Variants in SYT6 observed in about 807,000 individuals in gnomAD.
SYT6 encodes the protein synaptotagmin-6.
A neutral mutation model predicts 38.4 loss-of-function variants in SYT6; 24 were observed. The observed-to-expected ratio is 0.62, with a 90% CI of 0.45 to 0.88. The LOEUF (loss-of-function observed/expected upper bound fraction) is 0.88, where lower values mean the gene tolerates loss of function less well. SYT6 is among the 40% of genes least tolerant of loss of function. The pLI is 0.00. For missense variants in SYT6, 611 were observed against 621.0 expected, an observed-to-expected ratio of 0.98 and a Z score of 0.17; for synonymous variants, 265 against 241.9, an observed-to-expected ratio of 1.10 and a Z score of -0.89.
At chr1:114,094,444 T>G (rs1675509215) in intron 6 of SYT6, among the ~76,000 whole-genome samples, 1 of 152,194 alleles carries the variant, frequency 6.6e-6, no homozygotes, top group South Asian at 2.1e-4. Flanking sequence ...AGAGCGCTGG[T>G]CAACTCTGTG....
At chr1:114,130,511 G>A (rs534077445) in intron 3 of SYT6, among the ~76,000 whole-genome samples, 8 of 152,068 alleles carry the variant, frequency 5.3e-5, no homozygotes, top group Non-Finnish European at 8.8e-5. Context: ...CCCAAAGCTC[G>A]GTTCTTGTTC....
chr1:114,143,177 G>C (rs1251669156), intron 1 of SYT6, among the ~76,000 whole-genome samples: 1 of 138,950 alleles, frequency 7.2e-6, no homozygotes, highest in African/African-American at 2.9e-5. Flanking sequence ...ACACTTAATA[G>C]ACTACAGTAT....
intron 1 of SYT6, among the ~76,000 whole-genome samples, chr1:114,152,014 G>C (rs1233760436): frequency 6.6e-6 from 1 of 151,994 alleles, no homozygotes; most frequent in Non-Finnish European, 1.5e-5. Flanking sequence ...CGCCTCCTAC[G>C]ACCCTCACAG....
chr1:114,113,283 T>C (rs964593), intron 3 of SYT6, among the ~76,000 whole-genome samples: 95,289 of 151,792 alleles, frequency 0.63, 30,648 homozygotes, highest in African/African-American at 0.76. Flanking sequence ...CTGGCTGCCT[T>C]TTTCAGGTTT....
At chr1:114,103,985 G>A (rs1012572931) in intron 3 of SYT6, among the ~76,000 whole-genome samples, 1 of 151,908 alleles carries the variant, frequency 6.6e-6, no homozygotes, top group Non-Finnish European at 1.5e-5. Flanking sequence ...GGTCCTTGCT[G>A]TTCTGCTTTT....
chr1:114,111,338 G>A (rs912751571), intron 3 of SYT6, among the ~76,000 whole-genome samples: 2 of 152,172 alleles, frequency 1.3e-5, no homozygotes, highest in African/African-American at 4.8e-5. Flanking sequence ...TTTACCTGGG[G>A]ACACTGAAGT....
At position 114,137,536 on chromosome 1, in the gene SYT6, G is replaced by C. The variant is rs745356607; in HGVS notation, c.1030C>G (p.Arg344Gly). 1 of 1,614,084 alleles carries C rather than the reference G, an allele frequency of 6.2e-7. No individual in the cohort carries two copies. Among genetic ancestry groups the C allele is most frequent in the Non-Finnish European group, 8.5e-7 (1 of 1,179,944 alleles). The change falls in exon 3 of 8, where the codon CGG becomes GGG. Residue 344 changes from arginine (R) to glycine (G), a missense_variant. Coordinates refer to ENST00000610222, the MANE Select transcript of SYT6 (RefSeq NM_001253772.2). ...DNLFEASDLS[R>G]ETSIWKDIQY... is the part of the protein sequence containing the mutation. ...ATATCCTTCCAGATGGAGGTTTCCCGAGACAGGTCAGAGGCCTCAAAGAGG... is the reference window on the plus strand; with the variant it reads ...ATATCCTTCCAGATGGAGGTTTCCCCAGACAGGTCAGAGGCCTCAAAGAGG...
At position 114,095,754 on chromosome 1, in the gene SYT6, G is replaced by A. The variant is rs531309766; in HGVS notation, c.1516-1951C>T. Among the ~76,000 whole-genome samples, 18 of 151,660 alleles carry A rather than the reference G, an allele frequency of 1.2e-4. No individual in the cohort carries two copies. The South Asian group carries it at 3.3e-3, about 28-fold the overall frequency. On this transcript the variant is annotated intron_variant, in intron 6 of 7. Coordinates refer to ENST00000610222, the MANE Select transcript of SYT6 (RefSeq NM_001253772.2). ...CAGCTCACTGCAAGCTCCGCCTCCC[G>A]GGTTCACGCCATTCTCCTGCCTCAG...
intron 1 of SYT6, among the ~76,000 whole-genome samples, chr1:114,141,021 C>T (rs1477890667): frequency 6.6e-6 from 1 of 152,192 alleles, no homozygotes; most frequent in South Asian, 2.1e-4. Flanking sequence ...CCCTGGCTGG[C>T]CATTCCTCTC....
At chr1:114,102,878 A>G (rs1335074625) in intron 4 of SYT6, among the ~76,000 whole-genome samples, 1 of 152,184 alleles carries the variant, frequency 6.6e-6, no homozygotes, top group African/African-American at 2.4e-5. Flanking sequence ...GTTATTTCCA[A>G]ACTCAAATAC....
At chr1:114,124,499 G>T (rs1439646155) in intron 3 of SYT6, among the ~76,000 whole-genome samples, 1 of 152,212 alleles carries the variant, frequency 6.6e-6, no homozygotes, top group East Asian at 1.9e-4. Flanking sequence ...TGGGGAGCTG[G>T]GGGCAGGTGC....
At chr1:114,151,890 T>A (rs1679454620) in intron 1 of SYT6, among the ~76,000 whole-genome samples, 1 of 152,084 alleles carries the variant, frequency 6.6e-6, no homozygotes, top group African/African-American at 2.4e-5. Context: ...GGAATCAACT[T>A]CCCCAACCTC....
At chr1:114,137,438 C>T in intron 3 of SYT6, 57 bp downstream of exon 3, 2 of 1,557,708 alleles carry the variant, frequency 1.3e-6, no homozygotes, top group Non-Finnish European at 1.7e-6. Context: ...GGGGACATGT[C>T]CCACCCAACC....
chr1:114,153,838 C>T lies in SYT6; in HGVS notation c.-66G>A. On this transcript the variant is annotated 5_prime_UTR_variant, in exon 1 of 8. Transcript: ENST00000610222. ...GCGCCCCGGCCGCACTGGGGCGGGGCACGACGGCCCCAAGAAGACCCTCCC... is the reference window on the plus strand; with the variant it reads ...GCGCCCCGGCCGCACTGGGGCGGGGTACGACGGCCCCAAGAAGACCCTCCC... The T allele has an allele frequency of 1.7e-6, 1 of 576,424 alleles. No homozygotes were observed. Among genetic ancestry groups the T allele is most frequent in the South Asian group, 2.1e-5 (1 of 47,856 alleles). The allele number at this position is 576,424 out of a possible 1,614,324, so 35.7% of individuals were successfully genotyped here. A position where few individuals can be genotyped will look rare whatever the true frequency, so the allele number is the denominator to read the frequency against.
In SYT6 at chr1:114,093,755, C is replaced by T; in HGVS notation, c.*31G>A. 6.2e-7 allele frequency: 1 copy of T among 1,614,012 alleles called. No individual in the cohort carries two copies. Among genetic ancestry groups the T allele is most frequent in the Non-Finnish European group, 8.5e-7 (1 of 1,179,954 alleles). ...CTTACTCCTAACTCCAGGTGGCAGT[C>T]TCTCTGCTTGCAGCATCCACGTGAA... On this transcript the variant is annotated 3_prime_UTR_variant, in exon 7 of 8. Coordinates refer to ENST00000610222, the MANE Select transcript of SYT6 (RefSeq NM_001253772.2).
chr1:114,113,235 T>C (rs1676793960), intron 3 of SYT6, among the ~76,000 whole-genome samples: 1 of 152,194 alleles, frequency 6.6e-6, no homozygotes, highest in African/African-American at 2.4e-5. Flanking sequence ...GCCCTGCTCT[T>C]GACAACTCCA....
At position 114,090,074 on chromosome 1, in the gene SYT6, T is replaced by A. The variant is rs1438781143; in HGVS notation, c.*2060A>T. 6.6e-6 allele frequency: 1 copy of A among 152,400 alleles called. No homozygotes were observed. Among genetic ancestry groups the A allele is most frequent in the Admixed American group, 6.5e-5 (1 of 15,284 alleles). The allele number at this position is 152,400 out of a possible 1,614,324, so 9.4% of individuals were successfully genotyped here. A position where few individuals can be genotyped will look rare whatever the true frequency, so the allele number is the denominator to read the frequency against. On this transcript the variant is annotated 3_prime_UTR_variant, in exon 8 of 8. Coordinates refer to ENST00000610222, the MANE Select transcript of SYT6 (RefSeq NM_001253772.2). Reference sequence around the variant, plus strand: ...AGAAGGACCTTCTCACACTAATTTCTGGACTCCTTATGACCCAGGGAACTC... The same window carrying A: ...AGAAGGACCTTCTCACACTAATTTCAGGACTCCTTATGACCCAGGGAACTC...
chr1:114,109,996 G>A (rs1486338883), intron 3 of SYT6, among the ~76,000 whole-genome samples: 1 of 152,240 alleles, frequency 6.6e-6, no homozygotes, highest in Non-Finnish European at 1.5e-5. Context: ...GTGGCTGACA[G>A]CATGGTGATG....
intron 4 of SYT6, among the ~76,000 whole-genome samples, chr1:114,101,806 C>A (rs1340290634): frequency 6.6e-6 from 1 of 152,190 alleles, no homozygotes; most frequent in East Asian, 1.9e-4. Context: ...GTAAATTCAA[C>A]CATCCATTCA....
Sources: gnomAD v4.1 joint callset for allele counts (sites outside exome capture counted in the v4.1 genomes callset) on GRCh38, gnomAD v4.1.1 for gene constraint, MANE v1.5 for transcripts, NCBI Gene and HGNC (gene_info 2026-07-23, HGNC 2026-07-21) for gene names.